PER2: variants seen among roughly 807,000 people sequenced by gnomAD.
The protein encoded by PER2 is period circadian regulator 2, also known as period circadian protein homolog 2.
In PER2, 66 loss-of-function variants were observed where a neutral mutation model predicts 121.0. The ratio of observed to expected loss-of-function variants is 0.55; its 90% confidence interval spans 0.45 to 0.67. The LOEUF (loss-of-function observed/expected upper bound fraction) is 0.67. Among genes scored for constraint, PER2 ranks in the 30% least tolerant of loss-of-function variants. The pLI, the probability that PER2 is intolerant of heterozygous loss-of-function variation, is 0.00. For missense variants in PER2, 1,521 were observed against 1,635.0 expected (o/e 0.93, Z 1.20); for synonymous variants, 684 against 659.9 (o/e 1.04, Z -0.56).
Position 238,268,181 on chromosome 2 carries a change from T to C in PER2, c.842A>G (p.Glu281Gly). Residue 281 changes from glutamate to glycine, a missense_variant, in exon 8 of 23, where the codon GAG becomes GGG. Glu to Gly is a moderately conservative substitution (Grantham distance 98). Coordinates refer to ENST00000254657, the MANE Select transcript of PER2 (RefSeq NM_022817.3). This position sits in a 1 kb window ranked among gnomAD's most constrained non-coding sequence, Gnocchi z 4.0. ...GAAGGGGTGGTAGCGGATTTCATTC[T>C]CGTGGCTTTTCCGGACACTGCGGAG... ...FCRVSVRKSH[E>G]NEIRYHPFRM... The C allele has an allele frequency of 1.2e-6, 2 of 1,614,050 alleles. No homozygotes were observed. Among genetic ancestry groups the C allele is most frequent in the Non-Finnish European group, 1.7e-6 (2 of 1,179,986 alleles).
intron 8 of PER2, among the ~76,000 whole-genome samples, chr2:238,267,298 T>C (rs1346744910): frequency 6.6e-6 from 1 of 152,162 alleles, no homozygotes; most frequent in Non-Finnish European, 1.5e-5. Context: ...GAAGGACCCA[T>C]CAAGGTGGCA....
intron 9 of PER2, among the ~76,000 whole-genome samples, chr2:238,264,904 T>C: frequency 6.6e-6 from 1 of 152,308 alleles, no homozygotes; most frequent in Non-Finnish European, 1.5e-5. Context: ...CTTCTCAGAG[T>C]GCTAGGATTA....
intron 3 of PER2, 91 bp downstream of exon 3, chr2:238,277,040 A>G (rs1696476512): frequency 1.0e-6 from 1 of 999,212 alleles, no homozygotes; most frequent in African/African-American, 1.6e-5. Flanking sequence ...CAGCTTAAAA[A>G]AAGCCACGTC....
chr2:238,266,105 G>A lies in PER2; in HGVS notation c.968-515C>T, dbSNP rs565902376. Among the ~76,000 whole-genome samples, 53 of 151,842 alleles carry A rather than the reference G, an allele frequency of 3.5e-4. 1 individual carries two copies. The highest frequency in any genetic ancestry group is 1.3e-3 in the South Asian group (6 of 4,798). On this transcript the variant is annotated intron_variant, in intron 8 of 22. Coordinates refer to ENST00000254657, the MANE Select transcript of PER2 (RefSeq NM_022817.3). ...TTTTTAGTTGAGGTGGGGTTTCACC[G>A]TGTTGGCCAGGATGGTCTCGATCTC...
chr2:238,289,340 G>C (rs1010260342), upstream of PER2: 2 of 152,228 alleles, frequency 1.3e-5, no homozygotes, highest in Admixed American at 6.5e-5. Flanking sequence ...AGCAGCCCAG[G>C]AGAAGGTGGC....
chr2:238,280,742 G>A (rs1025908033), intron 1 of PER2, among the ~76,000 whole-genome samples: 2 of 152,142 alleles, frequency 1.3e-5, no homozygotes, highest in Non-Finnish European at 2.9e-5. Context: ...TGAAAGAGAC[G>A]AGAACAATAA....
chr2:238,277,567 C>A (rs1231078589), intron 2 of PER2, 140 bp downstream of exon 2: 1 of 1,014,134 alleles, frequency 9.9e-7, no homozygotes, highest in Non-Finnish European at 1.5e-6. Context: ...CAGACACTGG[C>A]ACATTTTAGG....
intron 15 of PER2, 42 bp downstream of exon 15, chr2:238,258,455 G>A (rs377100023): frequency 6.3e-5 from 101 of 1,613,970 alleles, no homozygotes; most frequent in Admixed American, 1.7e-4. Context: ...AGGAGGGAAG[G>A]TGTGTGAGAT....
chr2:238,262,383 G>C, intron 10 of PER2, 39 bp from the exon 11 acceptor site: 13 of 1,606,414 alleles, frequency 8.1e-6, no homozygotes, highest in Non-Finnish European at 1.1e-5. Context: ...GAAAAGGGGA[G>C]CAAACAGGAT....
At chr2:238,291,913 G>C (rs1696957268), upstream of PER2, among the ~76,000 whole-genome samples, 1 of 152,226 alleles carries the variant, frequency 6.6e-6, no homozygotes. Flanking sequence ...GTATCTTCCA[G>C]CTCTTTGGGA....
In PER2 at chr2:238,246,179, T is replaced by C. The variant is rs1465044464; in HGVS notation, c.*196A>G. 2 of 369,860 alleles carry C rather than the reference T, an allele frequency of 5.4e-6. No individual in the cohort carries two copies. Among genetic ancestry groups the C allele is most frequent in the Non-Finnish European group, 9.6e-6 (2 of 208,094 alleles). The allele number at this position is 369,860 out of a possible 1,614,324, so 22.9% of individuals were successfully genotyped here. On this transcript the variant is annotated 3_prime_UTR_variant, in exon 23 of 23. Coordinates refer to ENST00000254657, the MANE Select transcript of PER2 (RefSeq NM_022817.3). ...ATATATTTTATATATAAAAACATATTTCTTTCCGAACTCTCCCCACTCTCC... is the reference window on the plus strand; with the variant it reads ...ATATATTTTATATATAAAAACATATCTCTTTCCGAACTCTCCCCACTCTCC...
At chr2:238,251,939 C>T (rs769985401) in intron 19 of PER2, among the ~76,000 whole-genome samples, 178 bp from the exon 20 acceptor site, 10 of 152,152 alleles carry the variant, frequency 6.6e-5, no homozygotes, top group Admixed American at 1.3e-4. Context: ...ACCAGGCCTA[C>T]GGTGCAAATT....
At chr2:238,290,206 G>A (rs1187515223), upstream of PER2, 2 of 152,202 alleles carry the variant, frequency 1.3e-5, no homozygotes, top group African/African-American at 4.8e-5. Context: ...GAAGCCCCGG[G>A]AGGCCTGCAT....
rs77592057 is a variant in PER2 at position 238,262,936 on chromosome 2, T to C, written c.1153+16A>G. The C allele has an allele frequency of 3.1e-3, 4,812 of 1,551,822 alleles. 12 individuals are homozygous for C. Among genetic ancestry groups the C allele is most frequent in the Non-Finnish European group, 3.7e-3 (4,105 of 1,123,494 alleles). On this transcript the variant is annotated intron_variant, in intron 10 of 22. Coordinates refer to ENST00000254657, the MANE Select transcript of PER2 (RefSeq NM_022817.3). ...CCGCCAAACACTTCAGGATGTACCA[T>C]GAAAAGGGGACCTACTCTTTTTGTG...
chr2:238,271,887 A>G (rs1338703157), intron 5 of PER2, among the ~76,000 whole-genome samples: 1 of 152,044 alleles, frequency 6.6e-6, no homozygotes, highest in Non-Finnish European at 1.5e-5. Flanking sequence ...CGGGCCGGAA[A>G]GATGCCTGCC....
In PER2 at chr2:238,253,326, A is replaced by G. The variant is rs746310044; in HGVS notation, c.2697T>C (p.Pro899=). ...FAVQPPPFPA[P]LAPVMAFMLP... ...GCATGAATGCCATGACAGGCGCCAA[A>G]GGGGCAGGGAAAGGTGGGGGCTGGA... Residue 899 remains proline (P), a synonymous_variant, in exon 19 of 23, where the codon CCT becomes CCC. Transcript: ENST00000254657. This position sits in a 1 kb window ranked among gnomAD's most constrained non-coding sequence, Gnocchi z 5.6. 28 of 1,613,510 alleles carry G rather than the reference A, an allele frequency of 1.7e-5. No homozygotes were observed. The highest frequency in any genetic ancestry group is 1.7e-6 in the Non-Finnish European group (2 of 1,179,824).
Position 238,265,492 on chromosome 2 carries a change from G to A in PER2, c.1046+20C>T. The A allele has an allele frequency of 5.3e-6, 8 of 1,507,472 alleles. No individual in the cohort carries two copies. Among genetic ancestry groups the A allele is most frequent in the Non-Finnish European group, 7.4e-6 (8 of 1,083,180 alleles). 93.4% of individuals were successfully genotyped at this position (1,507,472 alleles called of 1,614,324 possible). ...TTTATATCAAAAACATGAAAAAGGG[G>A]GTGGGTCAAGACCACGTACCTTTCA... On this transcript the variant is annotated intron_variant, in intron 9 of 22. Transcript: ENST00000254657.
rs1695424641 is a variant in PER2 at position 238,245,583 on chromosome 2, C to T, written c.*792G>A. 2.5e-6 allele frequency: 1 copy of T among 398,514 alleles called. No homozygotes were observed. Among genetic ancestry groups the T allele is most frequent in the Admixed American group, 4.4e-5 (1 of 22,718 alleles). 24.7% of individuals were successfully genotyped at this position (398,514 alleles called of 1,614,324 possible). A position where few individuals can be genotyped will look rare whatever the true frequency, so the allele number is the denominator to read the frequency against. ...AAGGGAAGTCACCATAAAGAGATGACTGATGACATATTTTAATCTCCATAT... is the reference window on the plus strand; with the variant it reads ...AAGGGAAGTCACCATAAAGAGATGATTGATGACATATTTTAATCTCCATAT... On this transcript the variant is annotated 3_prime_UTR_variant, in exon 23 of 23. Coordinates refer to ENST00000254657, the MANE Select transcript of PER2 (RefSeq NM_022817.3).
rs1288685381 is a variant in PER2, at chr2:238,245,281, C to T, written c.*1094G>A. 3.2e-6 allele frequency: 1 copy of T among 311,034 alleles called. No individual in the cohort carries two copies. Among genetic ancestry groups the T allele is most frequent in the Non-Finnish European group, 5.9e-6 (1 of 170,780 alleles). The allele number at this position is 311,034 out of a possible 1,614,324, so 19.3% of individuals were successfully genotyped here. A position where few individuals can be genotyped will look rare whatever the true frequency, so the allele number is the denominator to read the frequency against. On this transcript the variant is annotated 3_prime_UTR_variant, in exon 23 of 23. Transcript: ENST00000254657. ...CCAAATGACCTAAAAGTGCTGGGGA[C>T]ACTGGCAGAGGCCTGAAGCTGCTCC...
Sources: allele counts gnomAD v4.1 joint callset (sites outside exome capture counted in the v4.1 genomes callset), GRCh38; gene constraint gnomAD v4.1.1; non-coding constraint Gnocchi (gnomAD v3.1); transcripts MANE v1.5; gene names NCBI Gene and HGNC (gene_info 2026-07-23, HGNC 2026-07-21).